AGBL3: variants seen among roughly 807,000 people sequenced by gnomAD.
AGBL3 encodes AGBL carboxypeptidase 3.
In AGBL3, 68 loss-of-function variants were observed where a neutral mutation model predicts 94.5. The ratio of observed to expected loss-of-function variants is 0.72; its 90% CI spans 0.59 to 0.88. AGBL3 has a LOEUF of 0.88. Ranked by LOEUF, AGBL3 falls within the 40% of genes least tolerant of loss-of-function variation. AGBL3 has a pLI of 0.00. For synonymous variants in AGBL3, 354 were observed against 370.7 expected (o/e 0.95, Z 0.52); for missense variants, 934 against 1,103.8 (o/e 0.85, Z 2.18).
At chr7:135,101,143 G>C (rs987335328) in intron 15 of AGBL3, 1 of 455,392 alleles carries the variant, frequency 2.2e-6, no homozygotes, top group Admixed American at 2.4e-5. Context: ...AAATCAGTGA[G>C]AGGCCAATCT....
chr7:135,042,698 C>T (rs778273399), intron 8 of AGBL3, among the ~76,000 whole-genome samples: 10 of 152,042 alleles, frequency 6.6e-5, no homozygotes, highest in South Asian at 2.1e-4. Flanking sequence ...TGGCATGAGG[C>T]CAGGAATTTG....
At chr7:134,988,238 A>T in intron 2 of AGBL3, 1 of 334,048 alleles carries the variant, frequency 3.0e-6, no homozygotes, top group East Asian at 6.4e-5. Context: ...AGATTCTTCT[A>T]GGTTTTATTA....
chr7:135,134,219 C>A (rs957667049), intron 16 of AGBL3, among the ~76,000 whole-genome samples: 2 of 151,942 alleles, frequency 1.3e-5, no homozygotes, highest in African/African-American at 4.8e-5. Flanking sequence ...GTGAAGAGTT[C>A]ATGGGATCTC....
intron 15 of AGBL3, among the ~76,000 whole-genome samples, chr7:135,102,598 G>A (rs1824008235): frequency 9.1e-6 from 1 of 110,330 alleles, no homozygotes; most frequent in South Asian, 3.9e-4. Context: ...CTTTCAGTAT[G>A]AGAGAACTTT....
intron 5 of AGBL3, among the ~76,000 whole-genome samples, chr7:135,020,123 A>G (rs1814265002): frequency 1.3e-5 from 2 of 152,216 alleles, no homozygotes; most frequent in Non-Finnish European, 2.9e-5. Context: ...GAGTGAACAG[A>G]CAACCTACAG....
chr7:135,121,518 A>C (rs562146379), intron 16 of AGBL3, among the ~76,000 whole-genome samples: 29 of 152,062 alleles, frequency 1.9e-4, no homozygotes, highest in Non-Finnish European at 3.5e-4. Context: ...CCACAATGGA[A>C]TCCAACTAGA....
At chr7:135,040,243 G>A (rs778054408) in intron 8 of AGBL3, among the ~76,000 whole-genome samples, 2 of 152,090 alleles carry the variant, frequency 1.3e-5, no homozygotes, top group Non-Finnish European at 2.9e-5. Context: ...GATTCACTGA[G>A]GCATTCTACC....
chr7:135,063,722 G>A (rs1819038434), intron 12 of AGBL3, among the ~76,000 whole-genome samples: 1 of 152,056 alleles, frequency 6.6e-6, no homozygotes. Context: ...TACCTACTAT[G>A]CAGTCACAAA....
chr7:135,082,095 T>A (rs1277989642), intron 15 of AGBL3, among the ~76,000 whole-genome samples: 2 of 152,180 alleles, frequency 1.3e-5, no homozygotes, highest in African/African-American at 4.8e-5. Flanking sequence ...TGACAAGTAC[T>A]TTACTAAATT....
chr7:135,067,255 G>A (rs895161610), intron 12 of AGBL3, among the ~76,000 whole-genome samples: 2 of 152,230 alleles, frequency 1.3e-5, no homozygotes, highest in Admixed American at 1.3e-4. Flanking sequence ...GAACTGGGTT[G>A]AGCCCACCGC....
chr7:135,008,324 G>A (rs529946519), intron 4 of AGBL3, among the ~76,000 whole-genome samples: 2 of 152,132 alleles, frequency 1.3e-5, no homozygotes, highest in Admixed American at 1.3e-4. Flanking sequence ...CCAGAAATAA[G>A]CCCATGTGTC....
At position 135,134,850 on chromosome 7, in the gene AGBL3, G is replaced by A. The variant is rs774104669; in HGVS notation, c.2352G>A (p.Pro784=). The A allele has an allele frequency of 2.9e-4, 450 of 1,549,252 alleles. 1 individual carries two copies. The highest frequency in any genetic ancestry group is 4.9e-4 in the South Asian group (41 of 83,924). The part of the protein sequence containing the change: ...TNFQIQHQLN[P]ATCRNIKKYS... ...TTCATTTCTTTTCTAGACTAAATCC[G>A]GCTACTTGCAGAAATATAAAGAAAT... The change falls in exon 17 of 17, where the codon CCG becomes CCA. Residue 784 remains proline (P), a synonymous_variant. Coordinates refer to ENST00000436302, the MANE Select transcript of AGBL3 (RefSeq NM_178563.4).
chr7:135,092,365 T>G (rs562172337), intron 15 of AGBL3: 3 of 152,370 alleles, frequency 2.0e-5, no homozygotes, highest in Non-Finnish European at 4.4e-5. Flanking sequence ...TGTCAACATT[T>G]TTTTCAAATC....
intron 15 of AGBL3, among the ~76,000 whole-genome samples, chr7:135,088,405 G>A (rs1821504019): frequency 6.6e-6 from 1 of 151,910 alleles, no homozygotes. Context: ...GTTTATCATT[G>A]TCATTTAATG....
At chr7:135,027,487 G>A (rs1038317692) in intron 5 of AGBL3, among the ~76,000 whole-genome samples, 2 of 151,392 alleles carry the variant, frequency 1.3e-5, no homozygotes, top group African/African-American at 4.8e-5. Context: ...ATTCCTTCCT[G>A]TAGATCTGAA....
rs2116448531 is a variant in AGBL3 at position 135,034,370 on chromosome 7, G to A, written c.779G>A (p.Gly260Glu). ...CATCACATTGGCTGGCAGAGAATAG[G>A]AGACCAAATCAAGTATTATAGGAAC... ...KAHHIGWQRI[G>E]DQIKYYRNNP... is the part of the protein sequence containing the mutation. Residue 260 changes from glycine to glutamate, a missense_variant, in exon 7 of 17, where the codon GGA (glycine) becomes GAA (glutamate). Around this residue, in one of 3 missense-constraint regions of AGBL3, gnomAD observed 488 missense variants for 563.6 expected, o/e 0.87. Coordinates refer to ENST00000436302, the MANE Select transcript of AGBL3 (RefSeq NM_178563.4). 1 of 1,551,654 alleles carries A rather than the reference G, an allele frequency of 6.4e-7. No individual in the cohort carries two copies. The highest frequency in any genetic ancestry group is 8.7e-7 in the Non-Finnish European group (1 of 1,146,966).
chr7:135,012,374 T>C (rs910596685), intron 4 of AGBL3: 3 of 152,112 alleles, frequency 2.0e-5, no homozygotes, highest in Non-Finnish European at 4.4e-5. Context: ...GAAAGGGGCA[T>C]GAGTGGAGTA....
chr7:135,044,375 C>T (rs1474577696), intron 9 of AGBL3, among the ~76,000 whole-genome samples: 4 of 152,042 alleles, frequency 2.6e-5, no homozygotes, highest in South Asian at 2.1e-4. Context: ...AAACAGAATA[C>T]TCTAATTGGT....
At chr7:135,098,048 C>A (rs1215610313) in intron 15 of AGBL3, among the ~76,000 whole-genome samples, 1 of 152,012 alleles carries the variant, frequency 6.6e-6, no homozygotes, top group East Asian at 1.9e-4. Context: ...GATATGGAGA[C>A]CCTACATGAT....
Sources: gnomAD v4.1 joint callset for allele counts (sites outside exome capture counted in the v4.1 genomes callset) on GRCh38, gnomAD v4.1.1 for gene constraint, gnomAD v4.1.1 regional missense constraint, MANE v1.5 for transcripts, NCBI Gene and HGNC (gene_info 2026-07-23, HGNC 2026-07-21) for gene names.